The following SPIRE1 variants were observed in gnomAD, a reference collection of about 807,000 sequenced individuals.
SPIRE1 encodes the protein spire type actin nucleation factor 1.
Under a neutral mutation model 94.1 loss-of-function variants are expected in SPIRE1, and 40 were observed. The ratio of observed to expected loss-of-function variants is 0.43; its 90% confidence interval spans 0.33 to 0.55. The LOEUF (loss-of-function observed/expected upper bound fraction) is 0.55, where lower values mean the gene tolerates loss of function less well. SPIRE1 is among the 20% of genes least tolerant of loss of function. SPIRE1 has a pLI of 0.06. For synonymous variants in SPIRE1, 376 were observed against 371.7 expected (o/e 1.01, Z -0.13); for missense variants, 838 against 975.2 (o/e 0.86, Z 1.87).
At chr18:12,637,699 C>T (rs1398771486) in intron 1 of SPIRE1, among the ~76,000 whole-genome samples, 11 of 152,184 alleles carry the variant, frequency 7.2e-5, no homozygotes, top group Admixed American at 7.2e-4. Flanking sequence ...TGGGGCACGC[C>T]AAGCCCATTC....
In SPIRE1 at chr18:12,449,209, G is replaced by A; in HGVS notation, c.*429C>T. 2.2e-5 allele frequency: 4 copies of A among 178,630 alleles called. No homozygotes were observed. The highest frequency in any genetic ancestry group is 1.3e-4 in the South Asian group (1 of 7,550). 11.1% of individuals were successfully genotyped at this position (178,630 alleles called of 1,614,324 possible). Reference sequence around the variant, plus strand: ...TCTGGATCTCTCTGTACACGGGATAGAAACACAGTCACGTGGAAATGCCAA... The same window carrying A: ...TCTGGATCTCTCTGTACACGGGATAAAAACACAGTCACGTGGAAATGCCAA... On this transcript the variant is annotated 3_prime_UTR_variant, in exon 17 of 17. Transcript: ENST00000409402.
Position 12,635,212 on chromosome 18 carries a change from C to G in SPIRE1, c.338-116G>C, listed in dbSNP as rs2037890228. ...TATTATGTCTATGAGAATATCTATGCAAATGAAAGATGCTAGAATGACCAA... is the reference window on the plus strand; with the variant it reads ...TATTATGTCTATGAGAATATCTATGGAAATGAAAGATGCTAGAATGACCAA... On this transcript the variant is annotated intron_variant, in intron 1 of 16. Coordinates refer to ENST00000409402, the MANE Select transcript of SPIRE1 (RefSeq NM_001128626.2). The G allele has an allele frequency of 5.3e-6, 3 of 567,030 alleles. No individual in the cohort carries two copies. In the South Asian group the frequency reaches 6.9e-5, roughly 13 times the overall value. 35.1% of individuals were successfully genotyped at this position (567,030 alleles called of 1,614,324 possible). A position where few individuals can be genotyped will look rare whatever the true frequency, so the allele number is the denominator to read the frequency against.
At chr18:12,480,714 T>C (rs1247399199) in intron 9 of SPIRE1, among the ~76,000 whole-genome samples, 2 of 152,212 alleles carry the variant, frequency 1.3e-5, no homozygotes, top group South Asian at 4.1e-4. Flanking sequence ...CCATGAGTCT[T>C]TGTCAGTACT....
intron 2 of SPIRE1, among the ~76,000 whole-genome samples, chr18:12,594,990 A>G (rs1015786874): frequency 1.3e-5 from 2 of 152,212 alleles, no homozygotes; most frequent in Non-Finnish European, 2.9e-5. Context: ...TACTTTAAAA[A>G]TACAGGTCTG....
At chr18:12,578,433 A>G (rs1247736684) in intron 2 of SPIRE1, among the ~76,000 whole-genome samples, 1 of 152,212 alleles carries the variant, frequency 6.6e-6, no homozygotes, top group African/African-American at 2.4e-5. Context: ...GCTGAGCAAA[A>G]AAGGTCAGCA....
Position 12,657,745 on chromosome 18 carries a change from C to T in SPIRE1, c.122G>A (p.Ser41Asn). The T allele has an allele frequency of 5.8e-6, 8 of 1,372,810 alleles. No homozygotes were observed. The highest frequency in any genetic ancestry group is 7.6e-6 in the Non-Finnish European group (8 of 1,053,328). 85.0% of individuals were successfully genotyped at this position (1,372,810 alleles called of 1,614,324 possible). The stretch of plus-strand genomic sequence containing the variant: ...GTACAGCCGCAGGATCTCCTCCAGG[C>T]TCAGCGCGTCCCGGGAGCCCCCGGC... ...GAAGGSRDAL[S>N]LEEILRLYNQ... The change falls in exon 1 of 17, where the codon AGC becomes AAC. Residue 41 changes from serine to asparagine, a missense_variant. This residue lies in a region of SPIRE1 where 193 missense variants were observed against 170.5 expected (regional missense o/e 1.13). Coordinates refer to ENST00000409402, the MANE Select transcript of SPIRE1 (RefSeq NM_001128626.2).
chr18:12,658,109 G>GCGCCC (rs575232552), upstream of SPIRE1: 15,647 of 916,356 alleles, frequency 0.017, 437 homozygotes, highest in East Asian at 0.21. Context: ...ATGGCGTCCG[G>GCGCCC]CGCCCCGCCC....
intron 1 of SPIRE1, among the ~76,000 whole-genome samples, chr18:12,637,625 C>T (rs1333560166): frequency 2.0e-5 from 3 of 152,154 alleles, no homozygotes; most frequent in African/African-American, 4.8e-5. Context: ...CAAACTGTAA[C>T]TAGAGATATT....
At chr18:12,631,613 C>T (rs1397596133) in intron 2 of SPIRE1, among the ~76,000 whole-genome samples, 1 of 149,466 alleles carries the variant, frequency 6.7e-6, no homozygotes, top group East Asian at 2.0e-4. Flanking sequence ...CAGTGGCTTA[C>T]GCCTGTAATC....
chr18:12,568,482 A>G (rs2144444726), intron 2 of SPIRE1, among the ~76,000 whole-genome samples: 1 of 152,270 alleles, frequency 6.6e-6, no homozygotes, highest in East Asian at 1.9e-4. Flanking sequence ...CTCTTGCTCT[A>G]AAGAATCTCC....
intron 10 of SPIRE1, among the ~76,000 whole-genome samples, chr18:12,474,454 C>T (rs555411089): frequency 5.7e-4 from 86 of 152,180 alleles, no homozygotes; most frequent in Middle Eastern, 3.4e-3. Context: ...GCTCTAGTCC[C>T]CATCTCCATT....
rs190580460 is a variant in SPIRE1, at chr18:12,525,459, A to G, written c.729+10017T>C. 2.3e-3 allele frequency among the ~76,000 whole-genome samples: 346 copies of G among 151,960 alleles called. 3 individuals carry two copies. Among genetic ancestry groups the G allele is most frequent in the Admixed American group, 0.021 (325 of 15,264 alleles). On this transcript the variant is annotated intron_variant, in intron 4 of 16. Coordinates refer to ENST00000409402, the MANE Select transcript of SPIRE1 (RefSeq NM_001128626.2). ...GCTTGTGTTATACATTTTTTAAAATATCAATATTTAATTCAACACTGTTGT... is the reference window on the plus strand; with the variant it reads ...GCTTGTGTTATACATTTTTTAAAATGTCAATATTTAATTCAACACTGTTGT...
intron 1 of SPIRE1, among the ~76,000 whole-genome samples, chr18:12,648,545 T>C (rs753381989): frequency 3.3e-5 from 5 of 152,004 alleles, no homozygotes; most frequent in Admixed American, 3.3e-4. Flanking sequence ...ACTAAGGAGA[T>C]ATGATGACTA....
chr18:12,506,753 C>A, intron 5 of SPIRE1, 112 bp from the exon 6 acceptor site: 1 of 1,047,756 alleles, frequency 9.5e-7, no homozygotes, highest in Non-Finnish European at 1.4e-6. Flanking sequence ...ATGAGTAAAC[C>A]AACAAAAAAC....
intron 2 of SPIRE1, among the ~76,000 whole-genome samples, chr18:12,568,349 C>T (rs1299455478): frequency 6.6e-6 from 1 of 152,154 alleles, no homozygotes; most frequent in Admixed American, 6.5e-5. Context: ...ATACTGATTT[C>T]TTACTCTTTC....
In SPIRE1 at chr18:12,452,498, T is replaced by C; in HGVS notation, c.1862A>G (p.Gln621Arg). ...CQFCKRPVCSQCCKKMRLPSK... is the reference protein window; with the variant it reads ...CQFCKRPVCSRCCKKMRLPSK... ...AGCTTAGCTTACCTTTTTGCAACAC[T>C]GTGAGCACACCGGCCTGTAAACAAA... Residue 621 changes from glutamine (Q) to arginine (R), a missense_variant, in exon 15 of 17, where the codon CAG becomes CGG. By Grantham distance (43) the Gln-to-Arg change is conservative. Coordinates refer to ENST00000409402, the MANE Select transcript of SPIRE1 (RefSeq NM_001128626.2). The C allele has an allele frequency of 3.1e-6, 5 of 1,613,890 alleles. No homozygotes were observed. Among genetic ancestry groups the C allele is most frequent in the Non-Finnish European group, 4.2e-6 (5 of 1,180,026 alleles).
Position 12,603,839 on chromosome 18 carries a change from C to G in SPIRE1, c.372+31223G>C, listed in dbSNP as rs2036902796. Among the ~76,000 whole-genome samples the G allele has an allele frequency of 2.6e-5, 4 of 152,150 alleles. No individual in the cohort carries two copies. In the South Asian group the frequency reaches 8.3e-4, roughly 31 times the overall value. Reference sequence around the variant, plus strand: ...CTGCCTGCCTTGGCCTCCCAAAACACTGGGATTACAGGCATGAGCCACAGC... The same window carrying G: ...CTGCCTGCCTTGGCCTCCCAAAACAGTGGGATTACAGGCATGAGCCACAGC... On this transcript the variant is annotated intron_variant, in intron 2 of 16. Transcript: ENST00000409402.
intron 2 of SPIRE1, among the ~76,000 whole-genome samples, chr18:12,585,504 A>C (rs905862657): frequency 6.6e-6 from 1 of 152,182 alleles, no homozygotes; most frequent in African/African-American, 2.4e-5. Context: ...GATTTTGAGA[A>C]AGTTTCTATC....
At chr18:12,651,113 T>C (rs189185318) in intron 1 of SPIRE1, among the ~76,000 whole-genome samples, 11 of 152,290 alleles carry the variant, frequency 7.2e-5, no homozygotes, top group Admixed American at 6.5e-5. Flanking sequence ...ACATCACCCA[T>C]GTAAAACTAG....
Sources: allele counts gnomAD v4.1 joint callset (sites outside exome capture counted in the v4.1 genomes callset), GRCh38; gene constraint gnomAD v4.1.1; regional missense constraint gnomAD v4.1.1; transcripts MANE v1.5; gene names NCBI Gene and HGNC (gene_info 2026-07-23, HGNC 2026-07-21).